NFASC: variants seen among roughly 807,000 people sequenced by gnomAD.
NFASC encodes the protein neurofascin homolog.
In NFASC, 43 loss-of-function variants were observed where a neutral mutation model predicts 147.5. The observed-to-expected ratio is 0.29, with a 90% confidence interval of 0.23 to 0.38. The LOEUF (loss-of-function observed/expected upper bound fraction) is 0.38, where lower values mean the gene tolerates loss of function less well. NFASC is among the 10% of genes least tolerant of loss of function. The pLI is 1.00. For missense variants in NFASC, 1,320 were observed against 1,689.0 expected (o/e 0.78, Z 3.83); for synonymous variants, 622 against 665.5 (o/e 0.93, Z 1.01).
chr1:204,982,336 A>G (rs1352941201), intron 21 of NFASC, among the ~76,000 whole-genome samples: 1 of 152,220 alleles, frequency 6.6e-6, no homozygotes, highest in African/African-American at 2.4e-5. Context: ...TTGAGAACAG[A>G]GCCCAGGTCT....
At chr1:204,962,658 GAGGT>G (rs1038508136) in intron 8 of NFASC, among the ~76,000 whole-genome samples, 2 of 152,170 alleles carry the variant, frequency 1.3e-5, no homozygotes, top group Admixed American at 6.5e-5. Context: ...ATTTCACAGT[GAGGT>G]CCCGTGTCTC....
At chr1:204,874,064 A>C (rs6666745) in intron 1 of NFASC, among the ~76,000 whole-genome samples, 5,396 of 152,280 alleles carry the variant, frequency 0.035, 260 homozygotes, top group African/African-American at 0.11. Context: ...GATTTTGAGA[A>C]GATAAATGAA....
At chr1:204,974,098 G>A in intron 12 of NFASC, 81 bp from the exon 13 acceptor site, 1 of 1,093,652 alleles carries the variant, frequency 9.1e-7, no homozygotes, top group East Asian at 2.6e-5. Context: ...GTAAGCAGAA[G>A]GCATGCAGAG....
chr1:204,875,027 T>C lies in NFASC; in HGVS notation c.-199-45605T>C, dbSNP rs2078478755. On this transcript the variant is annotated intron_variant, in intron 1 of 29. Coordinates refer to ENST00000339876, the MANE Select transcript of NFASC (RefSeq NM_001005388.3). ...ACACGTTAAGTGACTTGCCTAAGGT[T>C]ACACAGCAATTAGGTAGGAAAGTCA... is the stretch of plus-strand genomic sequence containing the variant. 2.0e-5 allele frequency among the ~76,000 whole-genome samples: 3 copies of C among 152,320 alleles called. No homozygotes were observed. In the South Asian group the frequency reaches 6.2e-4, roughly 32 times the overall value.
intron 22 of NFASC, 122 bp from the exon 23 acceptor site, chr1:204,988,511 G>A: frequency 1.2e-6 from 1 of 837,130 alleles, no homozygotes; most frequent in Non-Finnish European, 1.9e-6. Context: ...AGATCACCAG[G>A]CAGGTGCCAT....
chr1:204,964,760 A>G (rs923839000), intron 8 of NFASC, among the ~76,000 whole-genome samples: 2 of 152,176 alleles, frequency 1.3e-5, no homozygotes, highest in African/African-American at 4.8e-5. Context: ...TGGATGAGGG[A>G]TACAGATGCC....
rs1558548130 is a variant in NFASC, at chr1:204,877,020, AT to A, written c.-199-43611del. Reference sequence around the variant, plus strand: ...TGTATATATATATATATATATATATATATATATAATATATATTTATATATAT... The same window carrying A: ...TGTATATATATATATATATATATATAATATATAATATATATTTATATATAT... On this transcript the variant is annotated intron_variant, in intron 1 of 29. Coordinates refer to ENST00000339876, the MANE Select transcript of NFASC (RefSeq NM_001005388.3). Among the ~76,000 whole-genome samples the A allele has an allele frequency of 3.6e-4, 39 of 108,360 alleles. 2 individuals are homozygous for A. The highest frequency in any genetic ancestry group is 1.0e-3 in the African/African-American group (24 of 23,780). 71.1% of individuals were successfully genotyped at this position (108,360 alleles called of 152,430 possible).
chr1:204,992,937 T>C (rs1048372469), intron 24 of NFASC, among the ~76,000 whole-genome samples: 13 of 152,186 alleles, frequency 8.5e-5, no homozygotes, highest in African/African-American at 2.4e-4. Context: ...GAGCTCACGG[T>C]CTCAATCAAA....
chr1:204,907,261 A>G (rs1031358799), intron 1 of NFASC, among the ~76,000 whole-genome samples: 1 of 152,172 alleles, frequency 6.6e-6, no homozygotes. Flanking sequence ...ATCATCTTCA[A>G]TGAAGTGTCT....
chr1:204,980,250 A>C (rs547225012), intron 19 of NFASC, 120 bp from the exon 20 acceptor site: 4 of 765,880 alleles, frequency 5.2e-6, no homozygotes, highest in African/African-American at 5.2e-5. Flanking sequence ...AAGCGTATAC[A>C]TAGATGCCGA....
chr1:204,932,964 G>A (rs548039886), intron 2 of NFASC, among the ~76,000 whole-genome samples: 5 of 152,290 alleles, frequency 3.3e-5, no homozygotes, highest in Non-Finnish European at 7.3e-5. Flanking sequence ...GATCACATGT[G>A]TAAGGTATGG....
chr1:204,887,828 G>A (rs778488413), intron 1 of NFASC, among the ~76,000 whole-genome samples: 83 of 152,036 alleles, frequency 5.5e-4, no homozygotes, highest in Non-Finnish European at 5.9e-4. Context: ...AAACTCCTGG[G>A]CCCAAGCAAT....
intron 2 of NFASC, among the ~76,000 whole-genome samples, chr1:204,938,533 C>G (rs2802820): frequency 0.17 from 26,069 of 152,152 alleles, 3,037 homozygotes; most frequent in African/African-American, 0.33. Flanking sequence ...CCAAGCCCCC[C>G]ACCCTGCCGC....
At chr1:204,936,248 C>T (rs546556823) in intron 2 of NFASC, among the ~76,000 whole-genome samples, 6 of 131,508 alleles carry the variant, frequency 4.6e-5, no homozygotes, top group Admixed American at 1.8e-4. Context: ...GTAACCCATG[C>T]TGGAGTGCAG....
At chr1:204,831,709 AT>A (rs1458737581) in intron 1 of NFASC, among the ~76,000 whole-genome samples, 1 of 151,606 alleles carries the variant, frequency 6.6e-6, no homozygotes, top group African/African-American at 2.4e-5. Context: ...GCCTGGGGTG[AT>A]GTTTGGGGTG....
Position 205,016,367 on chromosome 1 carries a change from A to C in NFASC, c.3551A>C (p.Gln1184Pro). ...SQTSLDGTIK[Q>P]QESDDSLVDY... Reference sequence around the variant, plus strand: ...ACATCTCTGGACGGCACCATCAAGCAGCAGGAGAGTGACGACAGCCTGGTG... The same window carrying C: ...ACATCTCTGGACGGCACCATCAAGCCGCAGGAGAGTGACGACAGCCTGGTG... Residue 1184 changes from glutamine (Q) to proline (P), a missense_variant, in exon 30 of 30, where the codon CAG becomes CCG. Gln to Pro is a moderately conservative substitution (Grantham distance 76). Around this residue, in one of 3 missense-constraint regions of NFASC, gnomAD observed 167 missense variants for 233.8 expected, o/e 0.71. Transcript: ENST00000339876. This position sits in a 1 kb window ranked among gnomAD's most constrained non-coding sequence, Gnocchi z 5.1. 6.2e-7 allele frequency: 1 copy of C among 1,614,120 alleles called. No individual in the cohort carries two copies. Among genetic ancestry groups the C allele is most frequent in the Non-Finnish European group, 8.5e-7 (1 of 1,180,010 alleles).
chr1:204,872,829 G>T (rs1375077196), intron 1 of NFASC, among the ~76,000 whole-genome samples: 1 of 152,146 alleles, frequency 6.6e-6, no homozygotes, highest in African/African-American at 2.4e-5. Context: ...CCTTCTCCAT[G>T]GTAGGCAGTT....
intron 3 of NFASC, among the ~76,000 whole-genome samples, chr1:204,948,929 C>G (rs1051682295): frequency 6.6e-6 from 1 of 152,194 alleles, no homozygotes; most frequent in South Asian, 2.1e-4. Flanking sequence ...CCCTTCTCCC[C>G]ACCCAAGCCA....
At chr1:204,918,534 A>C (rs1223190274) in intron 1 of NFASC, among the ~76,000 whole-genome samples, 2 of 152,098 alleles carry the variant, frequency 1.3e-5, no homozygotes, top group African/African-American at 4.8e-5. Context: ...AACTGGGCTC[A>C]AAGGTTCATT....
Sources: gnomAD v4.1 joint callset for allele counts (sites outside exome capture counted in the v4.1 genomes callset) on GRCh38, gnomAD v4.1.1 for gene constraint, gnomAD v4.1.1 regional missense constraint, Gnocchi (gnomAD v3.1) non-coding constraint, MANE v1.5 for transcripts, NCBI Gene and HGNC (gene_info 2026-07-23, HGNC 2026-07-21) for gene names.